The following MOB3B variants were observed in gnomAD, a reference collection of about 807,000 sequenced individuals.
MOB3B encodes the protein MOB kinase activator-like 2B.
MOB3B carries 7 observed loss-of-function variants against 18.7 expected under a neutral mutation model. That is an observed-to-expected ratio of 0.37 (90% CI 0.21 to 0.70). The LOEUF is 0.70. Ranked by LOEUF, MOB3B falls within the 30% of genes least tolerant of loss-of-function variation. The probability of loss-of-function intolerance (pLI) is 0.52; values close to 1 mark genes in which losing one functional copy is unlikely to be tolerated. For missense variants in MOB3B, 253 were observed against 281.3 expected, an observed-to-expected ratio of 0.90 and a Z score of 0.72; for synonymous variants, 111 against 99.9, an observed-to-expected ratio of 1.11 and a Z score of -0.66.
chr9:27,523,464 CAA>C (rs55637136), intron 1 of MOB3B, among the ~76,000 whole-genome samples: 179 of 141,490 alleles, frequency 1.3e-3, no homozygotes, highest in Middle Eastern at 3.6e-3. Context: ...TAAACTGCAC[CAA>C]AAAAAAAAAA....
rs989074209 is a variant in MOB3B, at chr9:27,325,231, T to G, written c.*5356A>C. 3.9e-5 allele frequency: 6 copies of G among 152,240 alleles called. No individual in the cohort carries two copies. The highest frequency in any genetic ancestry group is 1.4e-4 in the African/African-American group (6 of 41,468). The allele number at this position is 152,240 out of a possible 1,614,324, so 9.4% of individuals were successfully genotyped here. A position where few individuals can be genotyped will look rare whatever the true frequency, so the allele number is the denominator to read the frequency against. ...AGATAATGGTTATATGCTTTTTATT[T>G]GTGACATTTGAATACCCAAGCTCAC... On this transcript the variant is annotated 3_prime_UTR_variant, in exon 4 of 4. Coordinates refer to ENST00000262244, the MANE Select transcript of MOB3B (RefSeq NM_024761.5).
intron 1 of MOB3B, among the ~76,000 whole-genome samples, chr9:27,482,719 T>C (rs1819679780): frequency 6.6e-6 from 1 of 152,244 alleles, no homozygotes; most frequent in Non-Finnish European, 1.5e-5. Flanking sequence ...AAGCATTCTC[T>C]AAAAGTTGCT....
intron 2 of MOB3B, among the ~76,000 whole-genome samples, chr9:27,436,214 CTTTGTAT>C (rs1587212198): frequency 6.6e-6 from 1 of 152,166 alleles, no homozygotes; most frequent in Admixed American, 6.5e-5. Flanking sequence ...TGAGCTTGTA[CTTTGTAT>C]ATTGGCACAC....
At chr9:27,343,478 TA>T (rs779124158) in intron 3 of MOB3B, among the ~76,000 whole-genome samples, 39,008 of 84,394 alleles carry the variant, frequency 0.46, 6,405 homozygotes, top group Middle Eastern at 0.48. Context: ...CAATAAATAC[TA>T]AAAAAAAAAA....
Position 27,480,385 on chromosome 9 carries a change from C to T in MOB3B, c.-198-24637G>A, listed in dbSNP as rs562301205. On this transcript the variant is annotated intron_variant, in intron 1 of 3. Transcript: ENST00000262244. ...CGCGATCTCGGCTCACTGCAAGCTC[C>T]GCCTCCTGGGTTCACGCCATTCTCC... Among the ~76,000 whole-genome samples, 36 of 151,922 alleles carry T rather than the reference C, an allele frequency of 2.4e-4. No homozygotes were observed. The South Asian group carries it at 4.4e-3, about 18-fold the overall frequency.
chr9:27,381,786 A>G (rs879778368), intron 2 of MOB3B, among the ~76,000 whole-genome samples: 1 of 152,146 alleles, frequency 6.6e-6, no homozygotes, highest in Non-Finnish European at 1.5e-5. Flanking sequence ...AGCTAGAACT[A>G]TAAGAACGCA....
chr9:27,460,606 T>A (rs545802917), intron 1 of MOB3B, among the ~76,000 whole-genome samples: 27 of 152,264 alleles, frequency 1.8e-4, no homozygotes, highest in South Asian at 1.7e-3. Flanking sequence ...TTGGTGGTAC[T>A]GAAGGGTGAG....
intron 1 of MOB3B, among the ~76,000 whole-genome samples, chr9:27,462,109 G>C (rs1819298805): frequency 6.6e-6 from 1 of 152,180 alleles, no homozygotes; most frequent in Non-Finnish European, 1.5e-5. Flanking sequence ...TCTTACTGCA[G>C]TTGTAAAAAT....
chr9:27,504,395 T>G lies in MOB3B; in HGVS notation c.-199+25160A>C, dbSNP rs77287710. 1.8e-3 allele frequency among the ~76,000 whole-genome samples: 268 copies of G among 152,354 alleles called. 3 individuals carry two copies. The East Asian group carries it at 0.046, about 26-fold the overall frequency. ...TGTTCAAATTTCAGTTACCACAAGA[T>G]ATTATAGTAGTAACTGAATGAAGTA... On this transcript the variant is annotated intron_variant, in intron 1 of 3. Transcript: ENST00000262244.
intron 1 of MOB3B, among the ~76,000 whole-genome samples, chr9:27,481,950 A>G (rs1480232527): frequency 6.6e-6 from 1 of 152,190 alleles, no homozygotes; most frequent in Non-Finnish European, 1.5e-5. Context: ...ATCAGCCATG[A>G]ATTTTTTTTT....
At chr9:27,486,518 C>T (rs1437571966) in intron 1 of MOB3B, among the ~76,000 whole-genome samples, 1 of 152,158 alleles carries the variant, frequency 6.6e-6, no homozygotes, top group Non-Finnish European at 1.5e-5. Flanking sequence ...TGAACAGACG[C>T]ATAAGTGGAT....
At chr9:27,522,185 T>C (rs1225694095) in intron 1 of MOB3B, among the ~76,000 whole-genome samples, 1 of 127,130 alleles carries the variant, frequency 7.9e-6, no homozygotes, top group Non-Finnish European at 1.5e-5. Flanking sequence ...GAGGTTGCAG[T>C]GAGCCGAGAT....
chr9:27,375,555 A>G (rs530293801), intron 2 of MOB3B, among the ~76,000 whole-genome samples: 3 of 152,292 alleles, frequency 2.0e-5, no homozygotes, highest in African/African-American at 7.2e-5. Flanking sequence ...TCTATGATAC[A>G]TTAATTATAG....
intron 2 of MOB3B, among the ~76,000 whole-genome samples, chr9:27,375,174 C>A (rs562574715): frequency 6.6e-6 from 1 of 152,234 alleles, no homozygotes; most frequent in Non-Finnish European, 1.5e-5. Context: ...TTTGGCCATA[C>A]TGGAAAATCA....
At chr9:27,504,745 T>C (rs1820034415) in intron 1 of MOB3B, among the ~76,000 whole-genome samples, 1 of 152,200 alleles carries the variant, frequency 6.6e-6, no homozygotes, top group East Asian at 1.9e-4. Flanking sequence ...ATTATTCATT[T>C]CCCACCCCTA....
At chr9:27,392,208 A>AT (rs1354149801) in intron 2 of MOB3B, among the ~76,000 whole-genome samples, 2 of 152,306 alleles carry the variant, frequency 1.3e-5, no homozygotes, top group Non-Finnish European at 2.9e-5. Flanking sequence ...ATTTAGAACC[A>AT]TTTTTTGGTG....
chr9:27,464,782 G>T (rs1010140026), intron 1 of MOB3B, among the ~76,000 whole-genome samples: 1 of 152,114 alleles, frequency 6.6e-6, no homozygotes, highest in African/African-American at 2.4e-5. Flanking sequence ...CATGGCAGCA[G>T]CAAGAGAAAA....
intron 2 of MOB3B, among the ~76,000 whole-genome samples, chr9:27,361,346 C>G (rs149711183): frequency 1.3e-5 from 2 of 152,064 alleles, no homozygotes; most frequent in African/African-American, 4.8e-5. Context: ...ACTCGATTGT[C>G]AAGCACAGTG....
intron 2 of MOB3B, among the ~76,000 whole-genome samples, chr9:27,405,476 T>C (rs1587187534): frequency 6.6e-6 from 1 of 152,190 alleles, no homozygotes; most frequent in South Asian, 2.1e-4. Context: ...ATATTTTGGT[T>C]ATTAATCCCT....
Sources: gnomAD v4.1 joint callset for allele counts (sites outside exome capture counted in the v4.1 genomes callset) on GRCh38, gnomAD v4.1.1 for gene constraint, MANE v1.5 for transcripts, NCBI Gene and HGNC (gene_info 2026-07-23, HGNC 2026-07-21) for gene names.